Variants in ATP13A3 observed in about 807,000 individuals in gnomAD.
ATP13A3 encodes polyamine-transporting ATPase 13A3.
Under a neutral mutation model 158.1 loss-of-function variants are expected in ATP13A3, and 59 were observed. The ratio of observed to expected loss-of-function variants is 0.37; its 90% confidence interval spans 0.30 to 0.46. ATP13A3 has a LOEUF of 0.46. Among genes scored for constraint, ATP13A3 ranks in the 20% least tolerant of loss-of-function variants. The pLI, the probability that ATP13A3 is intolerant of heterozygous loss-of-function variation, is 1.00. For synonymous variants in ATP13A3, 491 were observed against 504.3 expected (o/e 0.97, Z 0.35); for missense variants, 1,166 against 1,525.2 (o/e 0.76, Z 3.92).
intron 15 of ATP13A3, among the ~76,000 whole-genome samples, chr3:194,443,836 T>A (rs1718211885): frequency 6.6e-6 from 1 of 151,884 alleles, no homozygotes; most frequent in African/African-American, 2.4e-5. Flanking sequence ...CAATACACAA[T>A]ATTGAAAAAG....
chr3:194,422,748 C>T (rs1181486101), intron 30 of ATP13A3, among the ~76,000 whole-genome samples: 2 of 151,814 alleles, frequency 1.3e-5, no homozygotes, highest in African/African-American at 4.8e-5. Flanking sequence ...AAGGTAGACA[C>T]ACATACAATA....
rs1718035159 is a variant in ATP13A3, at chr3:194,441,304, G to A, written c.1710+7C>T. 32 of 1,597,578 alleles carry A rather than the reference G, an allele frequency of 2.0e-5. No individual in the cohort carries two copies. Among genetic ancestry groups the A allele is most frequent in the Non-Finnish European group, 2.7e-5 (32 of 1,170,682 alleles). ...AAGTTATTTGTATTTTAAAATATTTGACTTACCCATCCAATAGCCTCAAAC... is the reference window on the plus strand; with the variant it reads ...AAGTTATTTGTATTTTAAAATATTTAACTTACCCATCCAATAGCCTCAAAC... On this transcript the variant is annotated splice_region_variant and intron_variant, in intron 16 of 33. Coordinates refer to ENST00000645319, the MANE Select transcript of ATP13A3 (RefSeq NM_001367549.1).
At chr3:194,434,898 G>A (rs757297671) in intron 20 of ATP13A3, among the ~76,000 whole-genome samples, 34 of 152,092 alleles carry the variant, frequency 2.2e-4, no homozygotes, top group African/African-American at 8.0e-4. Flanking sequence ...TCTAGCCTAA[G>A]CAACAAAGAG....
At chr3:194,429,848 T>G in intron 26 of ATP13A3, 74 bp from the exon 27 acceptor site, 1 of 1,327,424 alleles carries the variant, frequency 7.5e-7, no homozygotes, top group Non-Finnish European at 1.1e-6. Context: ...CAATTTTATC[T>G]TGACAGATGA....
intron 29 of ATP13A3, 120 bp downstream of exon 29, chr3:194,426,955 G>A (rs1716823377): frequency 9.6e-7 from 1 of 1,046,740 alleles, no homozygotes; most frequent in Non-Finnish European, 1.4e-6. Flanking sequence ...AAAGTACTAG[G>A]ACTACAGGTG....
intron 14 of ATP13A3, among the ~76,000 whole-genome samples, chr3:194,445,032 G>T (rs188963216): frequency 2.0e-5 from 3 of 151,834 alleles, no homozygotes; most frequent in African/African-American, 7.3e-5. Flanking sequence ...GGGCAGAGAG[G>T]GGTATATATT....
intron 29 of ATP13A3, among the ~76,000 whole-genome samples, chr3:194,426,357 A>T (rs1038007899): frequency 6.6e-6 from 1 of 152,236 alleles, no homozygotes; most frequent in Non-Finnish European, 1.5e-5. Flanking sequence ...TTAATTAATT[A>T]AAATGTTATA....
chr3:194,447,074 G>C lies in ATP13A3; in HGVS notation c.1350C>G (p.Ile450Met). 6.2e-7 allele frequency: 1 copy of C among 1,611,332 alleles called. No homozygotes were observed. Among genetic ancestry groups the C allele is most frequent in the Non-Finnish European group, 8.5e-7 (1 of 1,179,390 alleles). ...GVIIIESLDI[I>M]TITVPPALPA... ...GAAGTGCAGGGGGCACAGTAATTGT[G>C]ATAATATCAAGAGACTCGATAATTA... Residue 450 changes from isoleucine to methionine, a missense_variant, in exon 14 of 34, where the codon ATC (isoleucine) becomes ATG (methionine). By Grantham distance (10) the Ile-to-Met change is conservative. Coordinates refer to ENST00000645319, the MANE Select transcript of ATP13A3 (RefSeq NM_001367549.1).
chr3:194,464,098 T>C (rs1320030888), intron 2 of ATP13A3, among the ~76,000 whole-genome samples: 1 of 152,040 alleles, frequency 6.6e-6, no homozygotes, highest in Non-Finnish European at 1.5e-5. Context: ...GAGGCGGAGG[T>C]TGTAGTAAGC....
At chr3:194,412,115 C>A (rs1212726453) in intron 33 of ATP13A3, 84 bp downstream of exon 33, 2 of 1,131,296 alleles carry the variant, frequency 1.8e-6, no homozygotes, top group Non-Finnish European at 2.6e-6. Flanking sequence ...CATAACAGAA[C>A]AAGAACACGC....
At chr3:194,454,959 T>C (rs1367564080) in intron 8 of ATP13A3, among the ~76,000 whole-genome samples, 1 of 152,222 alleles carries the variant, frequency 6.6e-6, no homozygotes, top group Non-Finnish European at 1.5e-5. Flanking sequence ...TAGATTCAGC[T>C]AGAAAAGGCT....
At chr3:194,416,131 G>GA (rs1715833935) in intron 31 of ATP13A3, among the ~76,000 whole-genome samples, 1 of 152,162 alleles carries the variant, frequency 6.6e-6, no homozygotes, top group Admixed American at 6.5e-5. Context: ...TCTTCAGGGA[G>GA]AAAAACTGTG....
chr3:194,462,090 G>T, intron 3 of ATP13A3, 50 bp downstream of exon 3: 1 of 1,562,112 alleles, frequency 6.4e-7, no homozygotes, highest in Middle Eastern at 1.7e-4. Flanking sequence ...ATAATAAATT[G>T]CAGAGATAAA....
intron 33 of ATP13A3, among the ~76,000 whole-genome samples, chr3:194,407,155 C>T (rs936666210): frequency 2.0e-5 from 3 of 152,140 alleles, no homozygotes; most frequent in Non-Finnish European, 4.4e-5. Context: ...CACCAGGACT[C>T]GTAGTAGTTA....
rs187365649 is a variant in ATP13A3, at chr3:194,447,934, T to A, written c.1226A>T (p.Asp409Val). ...PKPTDFKLYR[D>V]AYLFLLCLVA... ...AAGACATAGTAGAAACAAGTAGGCA[T>A]CTCTGTAGAGTTTAAAATCAGTTGG... The change falls in exon 13 of 34, where the codon GAT becomes GTT. Residue 409 changes from aspartate (D) to valine (V), a missense_variant. Around this residue, in one of 3 missense-constraint regions of ATP13A3, gnomAD observed 997 missense variants for 1,341.2 expected, o/e 0.74. Coordinates refer to ENST00000645319, the MANE Select transcript of ATP13A3 (RefSeq NM_001367549.1). 4.3e-6 allele frequency: 7 copies of A among 1,610,638 alleles called. No homozygotes were observed. The highest frequency in any genetic ancestry group is 5.9e-6 in the Non-Finnish European group (7 of 1,176,950).
At chr3:194,462,559 C>T (rs1172689461) in intron 2 of ATP13A3, among the ~76,000 whole-genome samples, 1 of 152,186 alleles carries the variant, frequency 6.6e-6, no homozygotes, top group Non-Finnish European at 1.5e-5. Context: ...CAGTTTCATC[C>T]CGAAACCATC....
chr3:194,430,388 T>C, intron 24 of ATP13A3, 73 bp from the exon 25 acceptor site: 3 of 1,461,700 alleles, frequency 2.1e-6, no homozygotes, highest in Admixed American at 1.8e-5. Context: ...TTAAGACTTT[T>C]CTATTACAGT....
rs764935482 is a variant in ATP13A3 at position 194,448,589 on chromosome 3, C to G, written c.1018G>C (p.Asp340His). The G allele has an allele frequency of 2.6e-5, 42 of 1,613,520 alleles. No homozygotes were observed. The highest frequency in any genetic ancestry group is 3.5e-5 in the Non-Finnish European group (41 of 1,179,892). The change falls in exon 12 of 34, where the codon GAT (aspartate) becomes CAT (histidine). Residue 340 changes from aspartate to histidine, a missense_variant. Asp to His is a moderately conservative substitution (Grantham distance 81). Around this residue, in one of 3 missense-constraint regions of ATP13A3, gnomAD observed 997 missense variants for 1,341.2 expected, o/e 0.74. Transcript: ENST00000645319. The surrounding 1 kb of genome is among the most constrained non-coding windows in gnomAD (Gnocchi z 4.0). ...TKTNLPNPSV[D>H]VKGIGDELYN... Reference sequence around the variant, plus strand: ...AATTCATCTCCTATTCCTTTCACATCCACTGAAGGATTTGGCAAATTAGTC... The same window carrying G: ...AATTCATCTCCTATTCCTTTCACATGCACTGAAGGATTTGGCAAATTAGTC...
intron 26 of ATP13A3, 116 bp downstream of exon 26, chr3:194,429,956 C>A: frequency 9.5e-7 from 1 of 1,049,816 alleles, no homozygotes. Flanking sequence ...AGTTACAGCT[C>A]AAATGTGCTA....
Sources: allele counts gnomAD v4.1 joint callset (sites outside exome capture counted in the v4.1 genomes callset), GRCh38; gene constraint gnomAD v4.1.1; regional missense constraint gnomAD v4.1.1; non-coding constraint Gnocchi (gnomAD v3.1); transcripts MANE v1.5; gene names NCBI Gene and HGNC (gene_info 2026-07-23, HGNC 2026-07-21).